Variants in RASSF4 observed in about 807,000 individuals in gnomAD.
The protein encoded by RASSF4 is ras association domain-containing protein 4.
Under a neutral mutation model 41.1 loss-of-function variants are expected in RASSF4, and 38 were observed. The ratio of observed to expected loss-of-function variants is 0.92; its 90% CI spans 0.71 to 1.21. The LOEUF (loss-of-function observed/expected upper bound fraction) is 1.21. Ranked by LOEUF, RASSF4 falls within the 50% of genes most tolerant of loss-of-function variation. The probability of loss-of-function intolerance (pLI) is 0.00; values close to 1 mark genes in which losing one functional copy is unlikely to be tolerated. For missense variants in RASSF4, 414 were observed against 419.4 expected (o/e 0.99, Z 0.11); for synonymous variants, 179 against 163.4 (o/e 1.10, Z -0.73).
rs746662925 is a variant in RASSF4, at chr10:44,989,278, C to T, written c.536C>T (p.Ser179Phe). The T allele has an allele frequency of 1.3e-5, 21 of 1,610,690 alleles. No individual in the cohort carries two copies. The highest frequency in any genetic ancestry group is 2.5e-6 in the Non-Finnish European group (3 of 1,177,092). ...INGHFYNHKT[S>F]VFTPAYGSVT... Reference sequence around the variant, plus strand: ...TTCTCTCCCTTCCTGGTACAGACCTCCGTGTTTACTCCAGCCTATGGATCC... The same window carrying T: ...TTCTCTCCCTTCCTGGTACAGACCTTCGTGTTTACTCCAGCCTATGGATCC... Residue 179 changes from serine to phenylalanine, a missense_variant, in exon 7 of 11, where the codon TCC becomes TTC. By Grantham distance (155) the Ser-to-Phe change is radical (BLOSUM62 -2). Coordinates refer to ENST00000340258, the MANE Select transcript of RASSF4 (RefSeq NM_032023.4).
chr10:44,984,903 C>T lies in RASSF4; in HGVS notation c.464C>T (p.Ala155Val), dbSNP rs757159363. 2 of 1,613,498 alleles carry T rather than the reference C, an allele frequency of 1.2e-6. No individual in the cohort carries two copies. Among genetic ancestry groups the T allele is most frequent in the Non-Finnish European group, 1.7e-6 (2 of 1,180,008 alleles). Reference sequence around the variant, plus strand: ...AGCCAGAGGAGGCCCAAGTGCCGCGCCCCCGGTGAGGCCCAGCGCATCCGG... The same window carrying T: ...AGCCAGAGGAGGCCCAAGTGCCGCGTCCCCGGTGAGGCCCAGCGCATCCGG... ...CMSQRRPKCR[A>V]PGEAQRIRRH... The change falls in exon 6 of 11, where the codon GCC (alanine) becomes GTC (valine). Residue 155 changes from alanine to valine, a missense_variant. Transcript: ENST00000340258.
intron 10 of RASSF4, among the ~76,000 whole-genome samples, chr10:44,992,588 C>T (rs1420999529): frequency 6.6e-6 from 1 of 152,158 alleles, no homozygotes; most frequent in East Asian, 1.9e-4. Context: ...AATGACGTCT[C>T]CCCCTCAGCA....
chr10:44,974,441 C>T (rs1201093933), intron 3 of RASSF4, among the ~76,000 whole-genome samples: 2 of 152,264 alleles, frequency 1.3e-5, no homozygotes, highest in African/African-American at 4.8e-5. Flanking sequence ...CCCAAGCTCA[C>T]AGCCACTTAC....
chr10:44,979,413 G>A (rs1246453190), intron 3 of RASSF4, among the ~76,000 whole-genome samples: 3 of 152,316 alleles, frequency 2.0e-5, no homozygotes, highest in East Asian at 1.9e-4. Flanking sequence ...ACGTAGCAGC[G>A]GACAAAGGTG....
intron 10 of RASSF4, among the ~76,000 whole-genome samples, chr10:44,992,858 T>C (rs568278142): frequency 3.9e-5 from 6 of 152,048 alleles, no homozygotes; most frequent in Non-Finnish European, 5.9e-5. Context: ...CCCGTAAGAT[T>C]TGAGAGCTGA....
chr10:44,962,775 T>C (rs997692169), intron 1 of RASSF4, among the ~76,000 whole-genome samples: 8 of 151,764 alleles, frequency 5.3e-5, no homozygotes, highest in African/African-American at 1.9e-4. Flanking sequence ...AGTTGAGGAG[T>C]GGTTCAGGGG....
chr10:44,992,127 C>T (rs1355851829), intron 10 of RASSF4, 125 bp downstream of exon 10: 1 of 630,276 alleles, frequency 1.6e-6, no homozygotes, highest in East Asian at 2.7e-5. Context: ...TACGGGAAGG[C>T]CTGCTAACCC....
chr10:44,971,721 A>C, intron 2 of RASSF4, 52 bp from the exon 3 acceptor site: 1 of 1,425,682 alleles, frequency 7.0e-7, no homozygotes, highest in Non-Finnish European at 9.9e-7. Flanking sequence ...AAAGGCCAGA[A>C]GCTGAGGCCC....
intron 3 of RASSF4, chr10:44,977,438 A>G: frequency 6.2e-7 from 1 of 1,609,872 alleles, no homozygotes; most frequent in South Asian, 1.1e-5. Flanking sequence ...TGTTCTGAGG[A>G]CACTGCTGGG....
At chr10:44,991,182 CCA>C (rs1219110928) in intron 9 of RASSF4, 113 bp downstream of exon 9, 11 of 1,011,168 alleles carry the variant, frequency 1.1e-5, no homozygotes, top group African/African-American at 6.4e-5. Context: ...TCCAGGAGCT[CCA>C]CACTCTCCCA....
intron 3 of RASSF4, chr10:44,976,719 A>G (rs557838949): frequency 6.6e-6 from 1 of 152,628 alleles, no homozygotes; most frequent in Admixed American, 6.5e-5. Flanking sequence ...AGGGGTGGGG[A>G]TGGTAGCACT....
At chr10:44,973,956 A>G (rs1438510905) in intron 3 of RASSF4, among the ~76,000 whole-genome samples, 3 of 152,262 alleles carry the variant, frequency 2.0e-5, no homozygotes, top group Non-Finnish European at 2.9e-5. Flanking sequence ...CCCGGTCTCC[A>G]TGGAGTCAGA....
intron 3 of RASSF4, chr10:44,978,783 C>G (rs767746959): frequency 6.6e-6 from 1 of 152,228 alleles, no homozygotes; most frequent in East Asian, 1.9e-4. Context: ...CACAGTCCAC[C>G]GTAGCAGGCT....
chr10:44,961,216 G>T (rs1840696259), intron 1 of RASSF4, among the ~76,000 whole-genome samples: 1 of 152,184 alleles, frequency 6.6e-6, no homozygotes, highest in Admixed American at 6.5e-5. Flanking sequence ...CAACAAAAAG[G>T]TTGATGCTAC....
chr10:44,995,832 C>T lies in RASSF4; in HGVS notation c.*2503C>T, dbSNP rs577172348. On this transcript the variant is annotated 3_prime_UTR_variant, in exon 11 of 11. Coordinates refer to ENST00000340258, the MANE Select transcript of RASSF4 (RefSeq NM_032023.4). The stretch of plus-strand genomic sequence containing the variant: ...TCTACATAGAGCTTAGGGTATTTCT[C>T]ATATGCCCCATTGGCTACCTAGTGT... 15 of 152,170 alleles carry T rather than the reference C, an allele frequency of 9.9e-5. No homozygotes were observed. Among genetic ancestry groups the T allele is most frequent in the Admixed American group, 3.9e-4 (6 of 15,280 alleles). The allele number at this position is 152,170 out of a possible 1,614,324, so 9.4% of individuals were successfully genotyped here.
In RASSF4 at chr10:44,989,256, T is replaced by TCTCCCTTCCTGGTACAGAC. The variant is rs747123302; in HGVS notation, c.532-13_537dup. The TCTCCCTTCCTGGTACAGAC allele has an allele frequency of 6.4e-7, 1 of 1,565,264 alleles. No homozygotes were observed. The highest frequency in any genetic ancestry group is 1.1e-5 in the South Asian group (1 of 89,582). ...CCCCTCTGGGCCTGACCTGAACTTCTCTCCCTTCCTGGTACAGACCTCCGT... is the reference window on the plus strand; with the variant it reads ...CCCCTCTGGGCCTGACCTGAACTTCTCTCCCTTCCTGGTACAGACCTCCCTTCCTGGTACAGACCTCCGT... On this transcript the variant is annotated splice_polypyrimidine_tract_variant and intron_variant, in intron 6 of 10. Coordinates refer to ENST00000340258, the MANE Select transcript of RASSF4 (RefSeq NM_032023.4).
At chr10:44,981,095 T>C (rs1321447783) in intron 3 of RASSF4, 1 of 152,194 alleles carries the variant, frequency 6.6e-6, no homozygotes, top group Non-Finnish European at 1.5e-5. Context: ...TAAGTTACCA[T>C]GAAATCCACA....
chr10:44,984,619 T>C (rs1841847048), intron 5 of RASSF4, 194 bp from the exon 6 acceptor site: 4 of 645,346 alleles, frequency 6.2e-6, no homozygotes, highest in Non-Finnish European at 1.1e-5. Context: ...GTGACCCAGG[T>C]TACCCTGTCT....
At chr10:44,990,033 C>A in intron 8 of RASSF4, among the ~76,000 whole-genome samples, 1 of 152,358 alleles carries the variant, frequency 6.6e-6, no homozygotes, top group African/African-American at 2.4e-5. Context: ...GAAGGAGAAT[C>A]CCACCAAGCT....
Sources: allele counts gnomAD v4.1 joint callset (sites outside exome capture counted in the v4.1 genomes callset), GRCh38; gene constraint gnomAD v4.1.1; transcripts MANE v1.5; gene names NCBI Gene and HGNC (gene_info 2026-07-23, HGNC 2026-07-21).